OR2T11: variants seen among roughly 807,000 people sequenced by gnomAD.
OR2T11 encodes the protein olfactory receptor family 2 subfamily T member 11.
A neutral mutation model predicts 13.5 loss-of-function variants in OR2T11; 14 were observed. That is an observed-to-expected ratio of 1.04 (90% CI 0.69 to 1.62). The LOEUF (loss-of-function observed/expected upper bound fraction) is 1.62. Ranked by LOEUF, OR2T11 falls within the 40% of genes most tolerant of loss-of-function variation. OR2T11 has a pLI of 0.00. For missense variants in OR2T11, 410 were observed against 389.7 expected (o/e 1.05, Z -0.44); for synonymous variants, 163 against 154.6 (o/e 1.05, Z -0.40).
intron 1 of OR2T11, among the ~76,000 whole-genome samples, chr1:248,628,511 A>G (rs1216510813): frequency 7.1e-6 from 1 of 141,286 alleles, no homozygotes; most frequent in Non-Finnish European, 1.5e-5. Flanking sequence ...CAGGATTCTC[A>G]GCTATGTTTG....
At chr1:248,629,150 T>C (rs1364241943) in intron 1 of OR2T11, among the ~76,000 whole-genome samples, 1 of 143,080 alleles carries the variant, frequency 7.0e-6, no homozygotes, top group African/African-American at 2.8e-5. Flanking sequence ...TTCATGCCTG[T>C]AACCCCAGCA....
At position 248,626,979 on chromosome 1, in the gene OR2T11, A is replaced by G. The variant is rs776352124; in HGVS notation, c.150T>C (p.Ser50=). ...LVMIFLIQVD[S]RLHTPMYFLL... is the part of the protein sequence containing the mutation. ...GAAAGTACATGGGGGTGTGGAGGCG[A>G]GAGTCCACCTGAATCAAGAATATCA... The change falls in exon 2 of 2, where the codon TCT becomes TCC. Residue 50 remains serine, a synonymous_variant. Coordinates refer to ENST00000641193, the MANE Select transcript of OR2T11 (RefSeq NM_001001964.2). 2.0e-5 allele frequency: 31 copies of G among 1,571,196 alleles called. 2 individuals carry two copies. The highest frequency in any genetic ancestry group is 2.5e-5 in the Non-Finnish European group (29 of 1,155,422).
In OR2T11 at chr1:248,632,614, G is replaced by A. The variant is rs530479666; in HGVS notation, c.-145+2424C>T. Among the ~76,000 whole-genome samples, 47 of 124,874 alleles carry A rather than the reference G, an allele frequency of 3.8e-4. 3 individuals carry two copies. Among genetic ancestry groups the A allele is most frequent in the Middle Eastern group, 7.3e-3 (2 of 274 alleles). The allele number at this position is 124,874 out of a possible 152,430, so 81.9% of individuals were successfully genotyped here. ...AACTAAACATCTTTGGAAAATTAAC[G>A]CTGTTTTTGGCCTCTTGCCAATCAA... On this transcript the variant is annotated intron_variant, in intron 1 of 1. Transcript: ENST00000641193.
rs1437505168 is a variant in OR2T11, at chr1:248,625,281, G to T, written c.*897C>A. 1 of 142,872 alleles carries T rather than the reference G, an allele frequency of 7.0e-6. No individual in the cohort carries two copies. Among genetic ancestry groups the T allele is most frequent in the Non-Finnish European group, 1.5e-5 (1 of 66,232 alleles). 8.9% of individuals were successfully genotyped at this position (142,872 alleles called of 1,614,324 possible). On this transcript the variant is annotated 3_prime_UTR_variant, in exon 2 of 2. Transcript: ENST00000641193. ...CAATTGTCTTCCTGTATCCATGTTT[G>T]CCCTTTGTTCTATTTTCCTACACTG...
rs544324507 is a variant in OR2T11, at chr1:248,624,427, A to G, written c.*1751T>C. ...TCACTAAGGTTACAAGTAACCTTTC[A>G]TGTTGCTAAATACAGTAACCAAATC... On this transcript the variant is annotated 3_prime_UTR_variant, in exon 2 of 2. Coordinates refer to ENST00000641193, the MANE Select transcript of OR2T11 (RefSeq NM_001001964.2). The G allele has an allele frequency of 7.0e-6, 1 of 143,602 alleles. No individual in the cohort carries two copies. Among genetic ancestry groups the G allele is most frequent in the South Asian group, 2.2e-4 (1 of 4,554 alleles). The allele number at this position is 143,602 out of a possible 1,614,324, so 8.9% of individuals were successfully genotyped here.
chr1:248,623,927 C>T lies in OR2T11; in HGVS notation c.*2251G>A, dbSNP rs551688525. ...CTTACCTCTTCTCCAAGATGATTCTCTTCTCCTCTCAAACTTTTGACGGGA... is the reference window on the plus strand; with the variant it reads ...CTTACCTCTTCTCCAAGATGATTCTTTTCTCCTCTCAAACTTTTGACGGGA... On this transcript the variant is annotated 3_prime_UTR_variant, in exon 2 of 2. Coordinates refer to ENST00000641193, the MANE Select transcript of OR2T11 (RefSeq NM_001001964.2). 1 of 138,038 alleles carries T rather than the reference C, an allele frequency of 7.2e-6. No individual in the cohort carries two copies. The highest frequency in any genetic ancestry group is 7.0e-5 in the Admixed American group (1 of 14,244). The allele number at this position is 138,038 out of a possible 1,614,324, so 8.6% of individuals were successfully genotyped here.
intron 1 of OR2T11, among the ~76,000 whole-genome samples, chr1:248,634,279 CAA>C (rs1413586635): frequency 2.1e-5 from 3 of 142,382 alleles, no homozygotes; most frequent in Non-Finnish European, 3.0e-5. Context: ...TTAACAAAAC[CAA>C]ATAAGCTTAA....
chr1:248,626,854 A>T lies in OR2T11; in HGVS notation c.275T>A (p.Val92Glu), dbSNP rs1277177527. Residue 92 changes from valine (V) to glutamate (E), a missense_variant, in exon 2 of 2, where the codon GTG (valine) becomes GAG (glutamate). Transcript: ENST00000641193. The part of the protein sequence containing the change: ...MVSKEKIISF[V>E]ACGIQIFLYL... ...GAGGAAGATCTGGATGCCACAGGCCACAAAGGAAATGATCTTCTCTTTAGA... is the reference window on the plus strand; with the variant it reads ...GAGGAAGATCTGGATGCCACAGGCCTCAAAGGAAATGATCTTCTCTTTAGA... 4.2e-5 allele frequency: 66 copies of T among 1,572,048 alleles called. 8 individuals carry two copies. The highest frequency in any genetic ancestry group is 5.6e-5 in the Non-Finnish European group (65 of 1,155,962).
rs1178152206 is a variant in OR2T11, at chr1:248,625,395, C to T, written c.*783G>A. 2.8e-5 allele frequency: 4 copies of T among 144,190 alleles called. No individual in the cohort carries two copies. Among genetic ancestry groups the T allele is most frequent in the Non-Finnish European group, 4.5e-5 (3 of 66,462 alleles). 8.9% of individuals were successfully genotyped at this position (144,190 alleles called of 1,614,324 possible). On this transcript the variant is annotated 3_prime_UTR_variant, in exon 2 of 2. Coordinates refer to ENST00000641193, the MANE Select transcript of OR2T11 (RefSeq NM_001001964.2). ...GGACTTCCCACCCCACTCAGTCAGT[C>T]TCAAAGTGCCTTAAGTGTTGCTGTT...
At position 248,629,490 on chromosome 1, in the gene OR2T11, A is replaced by T. The variant is rs1317506229; in HGVS notation, c.-144-2218T>A. Among the ~76,000 whole-genome samples, 4 of 141,338 alleles carry T rather than the reference A, an allele frequency of 2.8e-5. 1 individual carries two copies. The South Asian group carries it at 9.0e-4, about 32-fold the overall frequency. 92.7% of individuals were successfully genotyped at this position (141,338 alleles called of 152,430 possible). On this transcript the variant is annotated intron_variant, in intron 1 of 1. Transcript: ENST00000641193. ...TAGTAGGTGCCTGGCTTAATCCATC[A>T]TGACACATTTTACCCTGGTTGTTCC... is the stretch of plus-strand genomic sequence containing the variant.
At position 248,627,025 on chromosome 1, in the gene OR2T11, G is replaced by GC. The variant is rs759832412; in HGVS notation, c.103dup (p.Ala35GlyfsTer51). ...TATCATGACCAAATTTGCAGTCACG[G>GC]CCCCCAAGAAAACAGCAAGGATCAC... On this transcript the variant is annotated frameshift_variant, in exon 2 of 2. Coordinates refer to ENST00000641193, the MANE Select transcript of OR2T11 (RefSeq NM_001001964.2). LOFTEE classifies it high-confidence loss of function. The GC allele has an allele frequency of 1.3e-6, 2 of 1,569,176 alleles. No homozygotes were observed. Among genetic ancestry groups the GC allele is most frequent in the African/African-American group, 1.5e-5 (1 of 66,286 alleles).
chr1:248,633,562 A>AG (rs1660642608), intron 1 of OR2T11, among the ~76,000 whole-genome samples: 1 of 139,508 alleles, frequency 7.2e-6, no homozygotes, highest in African/African-American at 2.9e-5. Context: ...CAGTTTATAC[A>AG]GGGAGACAGA....
Position 248,626,184 on chromosome 1 carries a change from A to G in OR2T11, c.945T>C (p.Asp315=), listed in dbSNP as rs749692164. ...CSSAQKVATS[D]A ...TCCTCTGGGCAGTGACTCTCTAAGC[A>G]TCACTTGTTGCTACTTTCTGAGCAG... The change falls in exon 2 of 2, where the codon GAT becomes GAC. Residue 315 remains aspartate (D), a synonymous_variant. Transcript: ENST00000641193. 2 of 1,478,610 alleles carry G rather than the reference A, an allele frequency of 1.4e-6. No homozygotes were observed. The highest frequency in any genetic ancestry group is 9.3e-7 in the Non-Finnish European group (1 of 1,072,158). The allele number at this position is 1,478,610 out of a possible 1,614,324, so 91.6% of individuals were successfully genotyped here.
intron 1 of OR2T11, among the ~76,000 whole-genome samples, chr1:248,627,932 TA>T (rs11311974): frequency 0.016 from 2,230 of 143,258 alleles, 451 homozygotes; most frequent in African/African-American, 0.058. Context: ...AATTAGAAGG[TA>T]AAAAAAACTA....
chr1:248,626,605 A>C lies in OR2T11; in HGVS notation c.524T>G (p.Phe175Cys), dbSNP rs1347080028. Reference sequence around the variant, plus strand: ...TTTCAGAACTGCTGGGATCTCACAGAAAAAATGGTTGATACTTCGGGAGCC... The same window carrying C: ...TTTCAGAACTGCTGGGATCTCACAGCAAAAATGGTTGATACTTCGGGAGCC... ...YCGSRSINHF[F>C]CEIPAVLKLA... Residue 175 changes from phenylalanine to cysteine, a missense_variant, in exon 2 of 2, where the codon TTC becomes TGC. Phe to Cys is a radical substitution (Grantham distance 205, BLOSUM62 -2). Coordinates refer to ENST00000641193, the MANE Select transcript of OR2T11 (RefSeq NM_001001964.2). The C allele has an allele frequency of 1.3e-6, 2 of 1,573,270 alleles. No homozygotes were observed. Among genetic ancestry groups the C allele is most frequent in the African/African-American group, 3.0e-5 (2 of 67,000 alleles).
Position 248,626,228 on chromosome 1 carries a change from C to A in OR2T11, c.901G>T (p.Val301Leu), listed in dbSNP as rs568156246. 5 of 1,566,640 alleles carry A rather than the reference C, an allele frequency of 3.2e-6. 1 individual carries two copies. The highest frequency in any genetic ancestry group is 4.3e-6 in the Non-Finnish European group (5 of 1,150,666). ...NKDVIGAFKK[V>L]FACCSSAQKV... ...TGAGCAGATGAGCAACATGCAAATA[C>A]CTTTTTAAATGCCCCTATGACGTCC... Residue 301 changes from valine (V) to leucine (L), a missense_variant, in exon 2 of 2, where the codon GTA becomes TTA. Coordinates refer to ENST00000641193, the MANE Select transcript of OR2T11 (RefSeq NM_001001964.2).
chr1:248,632,581 C>T (rs149454310), intron 1 of OR2T11, among the ~76,000 whole-genome samples: 2,392 of 135,102 alleles, frequency 0.018, 527 homozygotes, highest in African/African-American at 0.068. Flanking sequence ...ATCTAGACTT[C>T]GTTATTGAAC....
intron 1 of OR2T11, among the ~76,000 whole-genome samples, chr1:248,633,674 A>G (rs1321217055): frequency 9.7e-6 from 1 of 103,624 alleles, no homozygotes. Flanking sequence ...AATTTTTCCA[A>G]GTTTATAGAA....
rs1660661341 is a variant in OR2T11 at position 248,634,665 on chromosome 1, G to A, written c.-145+373C>T. On this transcript the variant is annotated intron_variant, in intron 1 of 1. Coordinates refer to ENST00000641193, the MANE Select transcript of OR2T11 (RefSeq NM_001001964.2). The stretch of plus-strand genomic sequence containing the variant: ...ATTGCTTTATGTATGGAACTTCTTT[G>A]TAGAGTCAGGACCTGACGTTTCAGT... Among the ~76,000 whole-genome samples the A allele has an allele frequency of 1.4e-5, 2 of 138,486 alleles. 1 individual carries two copies. The highest frequency in any genetic ancestry group is 3.1e-5 in the Non-Finnish European group (2 of 64,668). The allele number at this position is 138,486 out of a possible 152,430, so 90.9% of individuals were successfully genotyped here.
Sources: allele counts gnomAD v4.1 joint callset (sites outside exome capture counted in the v4.1 genomes callset), GRCh38; gene constraint gnomAD v4.1.1; transcripts MANE v1.5; gene names NCBI Gene and HGNC (gene_info 2026-07-23, HGNC 2026-07-21).